The following CEP85L variants were observed in gnomAD, a reference collection of about 807,000 sequenced individuals.
CEP85L encodes the protein centrosomal protein 85L.
CEP85L carries 60 observed loss-of-function variants against 100.3 expected under a neutral mutation model. That is an observed-to-expected ratio of 0.60 (90% confidence interval 0.49 to 0.74). The LOEUF is 0.74. Among genes scored for constraint, CEP85L ranks in the 30% least tolerant of loss-of-function variants. The probability of loss-of-function intolerance (pLI) is 0.00; values close to 1 mark genes in which losing one functional copy is unlikely to be tolerated. For synonymous variants in CEP85L, 319 were observed against 322.7 expected, an observed-to-expected ratio of 0.99 and a Z score of 0.12; for missense variants, 973 against 936.2, an observed-to-expected ratio of 1.04 and a Z score of -0.51.
At chr6:118,467,832 A>G (rs1382463146) in intron 12 of CEP85L, among the ~76,000 whole-genome samples, 2 of 152,304 alleles carry the variant, frequency 1.3e-5, no homozygotes, top group East Asian at 1.9e-4. Flanking sequence ...TGAGAGCGAC[A>G]CTGAACACCA....
chr6:118,520,153 G>C (rs952792664), intron 4 of CEP85L, among the ~76,000 whole-genome samples: 1 of 152,170 alleles, frequency 6.6e-6, no homozygotes, highest in African/African-American at 2.4e-5. Flanking sequence ...AGAAGGAAAA[G>C]GATGTTTACT....
chr6:118,550,712 A>G (rs1583027753), intron 3 of CEP85L, among the ~76,000 whole-genome samples: 1 of 152,064 alleles, frequency 6.6e-6, no homozygotes. Context: ...GGCTTAAAGT[A>G]AACCATGACA....
At chr6:118,513,439 C>G (rs1776085277) in intron 4 of CEP85L, among the ~76,000 whole-genome samples, 1 of 152,034 alleles carries the variant, frequency 6.6e-6, no homozygotes, top group Admixed American at 6.6e-5. Flanking sequence ...GTGATAAAAT[C>G]TTAATAGCAA....
chr6:118,593,469 AAGAG>A (rs1434384445), intron 2 of CEP85L, among the ~76,000 whole-genome samples: 3 of 151,874 alleles, frequency 2.0e-5, no homozygotes, highest in Admixed American at 6.6e-5. Context: ...TGGCAGGAGG[AAGAG>A]AGAGAGGAGA....
intron 1 of CEP85L, among the ~76,000 whole-genome samples, chr6:118,633,152 T>C (rs1486187081): frequency 6.6e-6 from 1 of 152,112 alleles, no homozygotes; most frequent in East Asian, 1.9e-4. Flanking sequence ...TTTCCTTAAT[T>C]ATTATTTAAT....
intron 2 of CEP85L, among the ~76,000 whole-genome samples, chr6:118,593,345 T>C (rs569163354): frequency 6.8e-6 from 1 of 146,452 alleles, no homozygotes; most frequent in East Asian, 2.0e-4. Context: ...CTGCTATAAA[T>C]ACCTGAAAAA....
At chr6:118,588,077 A>G (rs1780971478) in intron 2 of CEP85L, among the ~76,000 whole-genome samples, 1 of 152,246 alleles carries the variant, frequency 6.6e-6, no homozygotes, top group Non-Finnish European at 1.5e-5. Flanking sequence ...CCAAGATGAC[A>G]GCATCATCTG....
At chr6:118,545,928 A>C (rs1161445114) in intron 3 of CEP85L, among the ~76,000 whole-genome samples, 1 of 152,180 alleles carries the variant, frequency 6.6e-6, no homozygotes, top group East Asian at 1.9e-4. Flanking sequence ...TATTTGTATA[A>C]AGCCATGTGA....
chr6:118,685,417 G>A (rs528877856), intron 1 of CEP85L, among the ~76,000 whole-genome samples: 18 of 152,052 alleles, frequency 1.2e-4, no homozygotes, highest in Non-Finnish European at 2.5e-4. Flanking sequence ...TCCTTTTACT[G>A]GGTCAGCCAA....
chr6:118,612,683 G>C (rs1386863062), intron 2 of CEP85L, among the ~76,000 whole-genome samples: 2 of 3,602 alleles, frequency 5.6e-4, no homozygotes, highest in Non-Finnish European at 1.2e-3. Context: ...AAGCGGGGGG[G>C]GGGGGGGGGG....
chr6:118,609,470 A>T (rs1562306150), intron 2 of CEP85L, among the ~76,000 whole-genome samples: 2 of 152,232 alleles, frequency 1.3e-5, no homozygotes, highest in African/African-American at 2.4e-5. Context: ...ATTAAGGACA[A>T]GTTTGACAAT....
At chr6:118,636,115 G>C (rs970992788) in intron 1 of CEP85L, among the ~76,000 whole-genome samples, 5 of 152,202 alleles carry the variant, frequency 3.3e-5, no homozygotes, top group Non-Finnish European at 7.3e-5. Context: ...TGGCTATGTT[G>C]TAATAAAACT....
intron 2 of CEP85L, among the ~76,000 whole-genome samples, chr6:118,595,260 T>A (rs113884383): frequency 8.2e-6 from 1 of 122,604 alleles, no homozygotes; most frequent in Non-Finnish European, 1.8e-5. Flanking sequence ...GGTAGCCTGG[T>A]AGACACATCT....
At chr6:118,554,031 C>T (rs1778701210) in intron 3 of CEP85L, among the ~76,000 whole-genome samples, 1 of 152,064 alleles carries the variant, frequency 6.6e-6, no homozygotes, top group Admixed American at 6.5e-5. Flanking sequence ...AAAATGAGGG[C>T]CAGGCATGGT....
intron 1 of CEP85L, among the ~76,000 whole-genome samples, chr6:118,650,445 C>T (rs1169257764): frequency 2.0e-5 from 3 of 152,194 alleles, no homozygotes; most frequent in African/African-American, 7.2e-5. Flanking sequence ...CCGATACAAA[C>T]AGACCCCTTC....
chr6:118,691,123 T>C (rs1204714497), intron 1 of CEP85L, among the ~76,000 whole-genome samples: 2 of 152,056 alleles, frequency 1.3e-5, no homozygotes, highest in Non-Finnish European at 2.9e-5. Context: ...CTCTGTCAAA[T>C]GACAAAGGAG....
chr6:118,552,409 A>G (rs1177365406), intron 3 of CEP85L, among the ~76,000 whole-genome samples: 1 of 152,060 alleles, frequency 6.6e-6, no homozygotes, highest in African/African-American at 2.4e-5. Flanking sequence ...GTCATAAAGC[A>G]GGCCACCAAA....
At chr6:118,547,001 G>A (rs78423519) in intron 3 of CEP85L, among the ~76,000 whole-genome samples, 2,182 of 152,064 alleles carry the variant, frequency 0.014, 37 homozygotes, top group Non-Finnish European at 0.019. Context: ...TCTTTCTTTG[G>A]AAGAAGCCAA....
intron 2 of CEP85L, among the ~76,000 whole-genome samples, chr6:118,575,300 A>G (rs1780158472): frequency 6.6e-6 from 1 of 152,122 alleles, no homozygotes; most frequent in African/African-American, 2.4e-5. Context: ...AGCAACAAAT[A>G]ATAAAATATT....
Sources: gnomAD v4.1 joint callset for allele counts (sites outside exome capture counted in the v4.1 genomes callset) on GRCh38, gnomAD v4.1.1 for gene constraint, MANE v1.5 for transcripts, NCBI Gene and HGNC (gene_info 2026-07-23, HGNC 2026-07-21) for gene names.